The following TNRC6C variants were observed in gnomAD, a reference collection of about 807,000 sequenced individuals.
The protein encoded by TNRC6C is trinucleotide repeat-containing gene 6C protein.
Under a neutral mutation model 153.7 loss-of-function variants are expected in TNRC6C, and 20 were observed. The ratio of observed to expected loss-of-function variants is 0.13; its 90% CI spans 0.09 to 0.19. TNRC6C has a LOEUF of 0.19. Among genes scored for constraint, TNRC6C ranks in the 10% least tolerant of loss-of-function variants. The pLI, the probability that TNRC6C is intolerant of heterozygous loss-of-function variation, is 1.00. For synonymous variants in TNRC6C, 811 were observed against 841.4 expected (o/e 0.96, Z 0.63); for missense variants, 1,987 against 2,172.0 (o/e 0.91, Z 1.69).
intron 1 of TNRC6C, among the ~76,000 whole-genome samples, chr17:77,968,335 A>T (rs1329980170): frequency 2.1e-5 from 3 of 144,430 alleles, no homozygotes; most frequent in Non-Finnish European, 4.5e-5. Context: ...CCTGGCTGAG[A>T]TGTAGTGGGT....
chr17:78,090,104 C>T (rs2073367224), intron 13 of TNRC6C, among the ~76,000 whole-genome samples: 1 of 152,178 alleles, frequency 6.6e-6, no homozygotes, highest in South Asian at 2.1e-4. Context: ...GATGGGCTTG[C>T]AAAGGCGTTT....
chr17:78,075,187 C>T lies in TNRC6C; in HGVS notation c.2969C>T (p.Thr990Ile). Residue 990 changes from threonine (T) to isoleucine (I), a missense_variant, in exon 8 of 20, where the codon ACC becomes ATC. Thr to Ile is a moderately conservative substitution (Grantham distance 89). Around this residue, in one of 4 missense-constraint regions of TNRC6C, gnomAD observed 765 missense variants for 908.6 expected, o/e 0.84. Coordinates refer to ENST00000301624, the Ensembl canonical transcript of TNRC6C. The surrounding 1 kb of genome is among the most constrained non-coding windows in gnomAD (Gnocchi z 4.2). ...GTGGACAAGCGTGGGCTGGGAGTGA[C>T]CGACCATAATGGAATGGCCGCCAAG... 6 of 1,611,382 alleles carry T rather than the reference C, an allele frequency of 3.7e-6. No homozygotes were observed. Among genetic ancestry groups the T allele is most frequent in the Non-Finnish European group, 5.1e-6 (6 of 1,178,782 alleles).
intron 16 of TNRC6C, 88 bp downstream of exon 18, chr17:78,093,851 C>A (rs2073435235): frequency 3.2e-6 from 5 of 1,546,436 alleles, no homozygotes; most frequent in African/African-American, 2.7e-5. Flanking sequence ...GGCTGTGAGG[C>A]AGGGATGATA....
At chr17:78,026,750 A>G (rs1034426398) in intron 1 of TNRC6C, among the ~76,000 whole-genome samples, 23 of 152,132 alleles carry the variant, frequency 1.5e-4, no homozygotes, top group African/African-American at 5.3e-4. Context: ...TTTCAGAAGG[A>G]TCACACTGGC....
At chr17:78,010,660 G>A (rs544733336) in intron 1 of TNRC6C, among the ~76,000 whole-genome samples, 1 of 152,312 alleles carries the variant, frequency 6.6e-6, no homozygotes, top group South Asian at 2.1e-4. Flanking sequence ...TTGATTGTAT[G>A]AGGTATCTTT....
At chr17:78,029,885 C>T (rs188994090) in intron 1 of TNRC6C, among the ~76,000 whole-genome samples, 7 of 152,118 alleles carry the variant, frequency 4.6e-5, no homozygotes, top group Admixed American at 2.6e-4. Context: ...CACTATCTTC[C>T]ACCTCCACAT....
At chr17:78,099,754 C>T (rs1227414037) in intron 17 of TNRC6C, among the ~76,000 whole-genome samples, 1 of 152,208 alleles carries the variant, frequency 6.6e-6, no homozygotes, top group Non-Finnish European at 1.5e-5. Context: ...ATCATGCCTT[C>T]CCAGCAGTCC....
intron 8 of TNRC6C, 63 bp from the exon 11 acceptor site, chr17:78,077,122 C>CTGT (rs2073098812): frequency 6.6e-7 from 1 of 1,522,024 alleles, no homozygotes; most frequent in African/African-American, 1.4e-5. Context: ...CCTTGGGAAA[C>CTGT]TGTTTGGTGC....
intron 3 of TNRC6C, among the ~76,000 whole-genome samples, chr17:78,052,728 C>T (rs2072562620): frequency 1.3e-5 from 2 of 151,698 alleles, no homozygotes; most frequent in Admixed American, 1.3e-4. Flanking sequence ...CCAGCTGGGC[C>T]CTCCAGCCTC....
At chr17:78,080,631 A>G (rs2073162744) in intron 10 of TNRC6C, among the ~76,000 whole-genome samples, 1 of 152,130 alleles carries the variant, frequency 6.6e-6, no homozygotes, top group South Asian at 2.1e-4. Flanking sequence ...ACCCCTTATA[A>G]TATATTTGAT....
At position 77,990,582 on chromosome 17, in the gene TNRC6C, T is replaced by A. The variant is rs1455401808; in HGVS notation, c.-37-13588T>A. Among the ~76,000 whole-genome samples the A allele has an allele frequency of 2.3e-5, 3 of 130,370 alleles. No individual in the cohort carries two copies. In the East Asian group the frequency reaches 5.9e-4, roughly 25 times the overall value. The allele number at this position is 130,370 out of a possible 152,430, so 85.5% of individuals were successfully genotyped here. A position where few individuals can be genotyped will look rare whatever the true frequency, so the allele number is the denominator to read the frequency against. ...GAACTTAGCTCACTTTCGCAGGAAA[T>A]CTGTGACCTCCTGACCAGCCAGAAT... On this transcript the variant is annotated intron_variant, in intron 1 of 22. Coordinates refer to the TNRC6C transcript ENST00000636222.
At chr17:78,098,631 G>T in intron 17 of TNRC6C, 94 bp downstream of exon 20, 2 of 1,396,268 alleles carry the variant, frequency 1.4e-6, no homozygotes, top group South Asian at 1.4e-5. Flanking sequence ...AAGGACCCCT[G>T]CCTGTAACTC....
intron 1 of TNRC6C, among the ~76,000 whole-genome samples, chr17:77,996,472 C>G (rs1035440143): frequency 1.3e-4 from 20 of 152,154 alleles, no homozygotes; most frequent in Admixed American, 6.5e-4. Flanking sequence ...GGTGAATCCA[C>G]TCCAGGTGTC....
upstream of TNRC6C, among the ~76,000 whole-genome samples, chr17:77,958,392 C>T (rs2070827091): frequency 6.6e-6 from 1 of 152,036 alleles, no homozygotes; most frequent in Non-Finnish European, 1.5e-5. Flanking sequence ...GCGCGCGTCC[C>T]GGCCACTCGG....
chr17:78,097,378 A>T (rs959485605), intron 16 of TNRC6C, among the ~76,000 whole-genome samples: 5 of 152,148 alleles, frequency 3.3e-5, no homozygotes, highest in African/African-American at 1.2e-4. Flanking sequence ...CTGTGAAAGG[A>T]TGTAGATTGC....
At chr17:78,036,024 G>T (rs934794509) in intron 2 of TNRC6C, among the ~76,000 whole-genome samples, 2 of 152,074 alleles carry the variant, frequency 1.3e-5, no homozygotes, top group Admixed American at 1.3e-4. Context: ...AACTTGTAAG[G>T]TTCAGTTAAA....
At chr17:78,009,701 C>T (rs1359294624) in intron 1 of TNRC6C, among the ~76,000 whole-genome samples, 4 of 152,000 alleles carry the variant, frequency 2.6e-5, no homozygotes, top group South Asian at 2.1e-4. Context: ...ACTACAGGTG[C>T]GCACCACCAT....
At chr17:78,013,855 G>T (rs566356978) in intron 1 of TNRC6C, among the ~76,000 whole-genome samples, 1 of 152,288 alleles carries the variant, frequency 6.6e-6, no homozygotes, top group South Asian at 2.1e-4. Flanking sequence ...GAAATAGCAG[G>T]GTATGAGGTG....
At position 78,104,166 on chromosome 17, in the gene TNRC6C, T is replaced by G. The variant is rs912565339; in HGVS notation, c.4713-319T>G. Among the ~76,000 whole-genome samples the G allele has an allele frequency of 6.6e-6, 1 of 152,194 alleles. No individual in the cohort carries two copies. Among genetic ancestry groups the G allele is most frequent in the Non-Finnish European group, 1.5e-5 (1 of 68,026 alleles). Reference sequence around the variant, plus strand: ...GTACGAGTAGACCTGATCAGTAACATCACTTGAGACGTTGGAACCTAGAAA... The same window carrying G: ...GTACGAGTAGACCTGATCAGTAACAGCACTTGAGACGTTGGAACCTAGAAA... On this transcript the variant is annotated intron_variant, in intron 19 of 19. Coordinates refer to ENST00000301624, the Ensembl canonical transcript of TNRC6C. The surrounding 1 kb of genome is among the most constrained non-coding windows in gnomAD (Gnocchi z 6.2).
Sources: allele counts gnomAD v4.1 joint callset (sites outside exome capture counted in the v4.1 genomes callset), GRCh38; gene constraint gnomAD v4.1.1; regional missense constraint gnomAD v4.1.1; non-coding constraint Gnocchi (gnomAD v3.1); transcripts MANE v1.5; gene names NCBI Gene and HGNC (gene_info 2026-07-23, HGNC 2026-07-21).